EML6: variants seen among roughly 807,000 people sequenced by gnomAD.
The protein encoded by EML6 is echinoderm microtubule-associated protein-like 6.
A neutral mutation model predicts 240.1 loss-of-function variants in EML6; 154 were observed. The ratio of observed to expected loss-of-function variants is 0.64; its 90% CI spans 0.56 to 0.73. EML6 has a LOEUF of 0.73. EML6 is among the 30% of genes least tolerant of loss of function. The probability of loss-of-function intolerance (pLI) is 0.00; values close to 1 mark genes in which losing one functional copy is unlikely to be tolerated. For missense variants in EML6, 2,964 were observed against 2,474.6 expected, an observed-to-expected ratio of 1.20 and a Z score of -4.20; for synonymous variants, 1,148 against 899.0, an observed-to-expected ratio of 1.28 and a Z score of -4.95.
intron 2 of EML6, among the ~76,000 whole-genome samples, chr2:54,789,536 A>C (rs1451785518): frequency 6.7e-6 from 1 of 149,282 alleles, no homozygotes; most frequent in African/African-American, 2.5e-5. Flanking sequence ...AAAAAAAAAA[A>C]AAAAAAAAAA....
intron 13 of EML6, among the ~76,000 whole-genome samples, chr2:54,864,939 A>G (rs1011690653): frequency 6.6e-6 from 1 of 152,218 alleles, no homozygotes; most frequent in Admixed American, 6.5e-5. Context: ...AATCATCTTG[A>G]CTGTGCATTG....
Position 54,866,796 on chromosome 2 carries a change from C to G in EML6, c.1963C>G (p.Gln655Glu). ...CAAAGAAGATCTACCTCAGCTAAAG[C>G]AACAAAGTAAAGAGAAAAACCACGC... ...VYKEDLPQLK[Q>E]QSKEKNHAVP... The change falls in exon 14 of 42, where the codon CAA (glutamine) becomes GAA (glutamate). Residue 655 changes from glutamine (Q) to glutamate (E), a missense_variant. Coordinates refer to ENST00000356458, the MANE Select transcript of EML6 (RefSeq NM_001039753.4). 6.4e-7 allele frequency: 1 copy of G among 1,550,920 alleles called. No individual in the cohort carries two copies. The highest frequency in any genetic ancestry group is 8.7e-7 in the Non-Finnish European group (1 of 1,146,348).
At chr2:54,901,308 T>C (rs993830775) in intron 22 of EML6, among the ~76,000 whole-genome samples, 10 of 152,226 alleles carry the variant, frequency 6.6e-5, no homozygotes, top group Admixed American at 2.0e-4. Flanking sequence ...TGCCTGTCTT[T>C]ACACTAGGCT....
rs1031271266 is a variant in EML6 at position 54,871,530 on chromosome 2, G to A, written c.2269G>A (p.Asp757Asn). 1.3e-6 allele frequency: 2 copies of A among 1,551,450 alleles called. No individual in the cohort carries two copies. The highest frequency in any genetic ancestry group is 2.0e-5 in the Admixed American group (1 of 50,992). The change falls in exon 16 of 42, where the codon GAC (aspartate) becomes AAC (asparagine). Residue 757 changes from aspartate (D) to asparagine (N), a missense_variant. Transcript: ENST00000356458. ...AAGAGATGCTGCTATTCATGTGTGGGACACACAAACTCTAAAATGTTTGTC... is the reference window on the plus strand; with the variant it reads ...AAGAGATGCTGCTATTCATGTGTGGAACACACAAACTCTAAAATGTTTGTC... Reference protein sequence around the residue: ...VGRDAAIHVWDTQTLKCLSLL... With the variant: ...VGRDAAIHVWNTQTLKCLSLL...
chr2:54,822,641 T>G (rs2104120673), intron 5 of EML6, among the ~76,000 whole-genome samples: 1 of 152,272 alleles, frequency 6.6e-6, no homozygotes, highest in Admixed American at 6.5e-5. Flanking sequence ...ACAGTTTACT[T>G]TGGGGGTTGG....
At chr2:54,968,630 A>G (rs774653510) in intron 40 of EML6, 38 bp from the exon 41 acceptor site, 3 of 1,235,176 alleles carry the variant, frequency 2.4e-6, no homozygotes, top group African/African-American at 3.0e-5. Context: ...GAGAGGAGCC[A>G]GGGTCTCTTA....
intron 2 of EML6, among the ~76,000 whole-genome samples, chr2:54,739,503 C>G (rs552494356): frequency 4.6e-5 from 7 of 152,284 alleles, no homozygotes; most frequent in Non-Finnish European, 7.4e-5. Flanking sequence ...GTTAAGAAAC[C>G]CTTAAGGAAA....
At chr2:54,815,369 A>G (rs896382478) in intron 3 of EML6, among the ~76,000 whole-genome samples, 26 of 152,300 alleles carry the variant, frequency 1.7e-4, no homozygotes, top group African/African-American at 6.3e-4. Context: ...GTTCACTGGA[A>G]TCGAATGATA....
chr2:54,916,655 T>C, intron 25 of EML6, 104 bp from the exon 26 acceptor site: 1 of 890,246 alleles, frequency 1.1e-6, no homozygotes, highest in Non-Finnish European at 1.6e-6. Flanking sequence ...CACAAATGCC[T>C]AACGTTGGCA....
intron 2 of EML6, among the ~76,000 whole-genome samples, chr2:54,810,115 C>G (rs1240379028): frequency 6.6e-6 from 1 of 152,102 alleles, no homozygotes; most frequent in Admixed American, 6.5e-5. Context: ...GGAGAAAAAG[C>G]TCATTTTCTT....
At position 54,775,991 on chromosome 2, in the gene EML6, A is replaced by T. The variant is rs551384707; in HGVS notation, c.198-37241A>T. Among the ~76,000 whole-genome samples the T allele has an allele frequency of 3.3e-5, 5 of 152,258 alleles. No homozygotes were observed. In the South Asian group the frequency reaches 8.3e-4, roughly 25 times the overall value. On this transcript the variant is annotated intron_variant, in intron 2 of 41. Transcript: ENST00000356458. ...TACTATTCTTAAGATTTGGTTTGCC[A>T]TTATGTATTCTATTTAATATTGGCA... is the stretch of plus-strand genomic sequence containing the variant.
chr2:54,806,657 C>T (rs1670507618), intron 2 of EML6, among the ~76,000 whole-genome samples: 1 of 119,186 alleles, frequency 8.4e-6, no homozygotes, highest in East Asian at 3.0e-4. Context: ...ATGTCCGTTT[C>T]TGGGGGTGAG....
Position 54,963,223 on chromosome 2 carries a change from G to C in EML6, c.5157+512G>C, listed in dbSNP as rs1050072252. Among the ~76,000 whole-genome samples the C allele has an allele frequency of 2.0e-5, 3 of 152,282 alleles. No individual in the cohort carries two copies. In the South Asian group the frequency reaches 6.2e-4, roughly 32 times the overall value. ...TCAAGTTCAACTAATTAAAATACTT[G>C]GTTTCATTTTAAAATGGCTGGTAAG... On this transcript the variant is annotated intron_variant, in intron 36 of 41. Coordinates refer to ENST00000356458, the MANE Select transcript of EML6 (RefSeq NM_001039753.4).
intron 3 of EML6, among the ~76,000 whole-genome samples, chr2:54,814,517 G>A (rs1302301588): frequency 2.0e-5 from 3 of 152,160 alleles, no homozygotes; most frequent in Admixed American, 2.0e-4. Context: ...AACCGCCTCC[G>A]TTTCCTGTGC....
chr2:54,938,376 A>C (rs1558705841), intron 28 of EML6, among the ~76,000 whole-genome samples: 4 of 152,234 alleles, frequency 2.6e-5, no homozygotes, highest in Admixed American at 2.0e-4. Context: ...TACATAAGGC[A>C]GGAGCTAATA....
chr2:54,731,074 C>T (rs1269936219), intron 2 of EML6, among the ~76,000 whole-genome samples: 1 of 152,120 alleles, frequency 6.6e-6, no homozygotes, highest in East Asian at 1.9e-4. Context: ...GGCATTTAAG[C>T]AGAAACCTGA....
intron 25 of EML6, among the ~76,000 whole-genome samples, chr2:54,912,337 A>G (rs962007251): frequency 4.6e-5 from 7 of 152,188 alleles, no homozygotes; most frequent in African/African-American, 9.7e-5. Context: ...AGTAAGAGGT[A>G]TTTTTAATTA....
intron 3 of EML6, among the ~76,000 whole-genome samples, chr2:54,816,487 G>A (rs1424189367): frequency 2.0e-5 from 3 of 152,116 alleles, no homozygotes; most frequent in African/African-American, 7.2e-5. Context: ...CTGCTATCAA[G>A]TTCTGTTTCT....
intron 15 of EML6, 128 bp downstream of exon 15, chr2:54,869,495 G>A: frequency 1.4e-6 from 1 of 723,338 alleles, no homozygotes; most frequent in Non-Finnish European, 2.3e-6. Context: ...AAGATTGAAT[G>A]ATCATTGGAT....
Sources: allele counts gnomAD v4.1 joint callset (sites outside exome capture counted in the v4.1 genomes callset), GRCh38; gene constraint gnomAD v4.1.1; transcripts MANE v1.5; gene names NCBI Gene and HGNC (gene_info 2026-07-23, HGNC 2026-07-21).